MTUS2: variants seen among roughly 807,000 people sequenced by gnomAD.
MTUS2 encodes microtubule associated scaffold protein 2.
Under a neutral mutation model 114.1 loss-of-function variants are expected in MTUS2, and 40 were observed. That is an observed-to-expected ratio of 0.35 (90% CI 0.27 to 0.46). The LOEUF (loss-of-function observed/expected upper bound fraction) is 0.46. Ranked by LOEUF, MTUS2 falls within the 20% of genes least tolerant of loss-of-function variation. The pLI, the probability that MTUS2 is intolerant of heterozygous loss-of-function variation, is 1.00. For synonymous variants in MTUS2, 688 were observed against 672.0 expected, an observed-to-expected ratio of 1.02 and a Z score of -0.37; for missense variants, 1,679 against 1,705.4, an observed-to-expected ratio of 0.98 and a Z score of 0.27.
At chr13:28,992,481 C>T (rs1052587379) in intron 2 of MTUS2, among the ~76,000 whole-genome samples, 2 of 152,112 alleles carry the variant, frequency 1.3e-5, no homozygotes, top group Non-Finnish European at 1.5e-5. Flanking sequence ...ATGGTTTTGA[C>T]GGCTGCACAT....
intron 6 of MTUS2, among the ~76,000 whole-genome samples, chr13:29,317,837 T>C (rs1394895368): frequency 6.6e-6 from 1 of 152,220 alleles, no homozygotes; most frequent in Admixed American, 6.5e-5. Context: ...TCCCTATAAA[T>C]CCTACCTTGA....
At chr13:29,084,534 C>A (rs925268419) in intron 4 of MTUS2, among the ~76,000 whole-genome samples, 6 of 148,992 alleles carry the variant, frequency 4.0e-5, no homozygotes, top group Admixed American at 4.0e-4. Flanking sequence ...CCTCTCCCCC[C>A]CTTCTTTTCT....
intron 12 of MTUS2, among the ~76,000 whole-genome samples, chr13:29,493,432 A>G (rs2138987469): frequency 6.6e-6 from 1 of 152,276 alleles, no homozygotes; most frequent in South Asian, 2.1e-4. Flanking sequence ...AAGTGTAGCA[A>G]TTCCAATCAC....
At chr13:28,968,304 A>G (rs763810895) in intron 2 of MTUS2, among the ~76,000 whole-genome samples, 36 of 152,334 alleles carry the variant, frequency 2.4e-4, no homozygotes, top group Non-Finnish European at 4.0e-4. Context: ...ATGCTTAGGT[A>G]TTTAAAGGTA....
intron 11 of MTUS2, 25 bp from the exon 12 acceptor site, chr13:29,492,621 T>C (rs1882267373): frequency 6.3e-7 from 1 of 1,592,844 alleles, no homozygotes; most frequent in Admixed American, 1.7e-5. Context: ...AAGACCAACT[T>C]GACAATTTAA....
At chr13:28,991,572 G>A (rs187336301) in intron 2 of MTUS2, among the ~76,000 whole-genome samples, 44 of 152,180 alleles carry the variant, frequency 2.9e-4, no homozygotes, top group Admixed American at 1.4e-3. Context: ...GTTTCACTGT[G>A]TTAGCCAGGA....
chr13:28,867,594 G>A (rs938707565), intron 2 of MTUS2, among the ~76,000 whole-genome samples: 1 of 152,198 alleles, frequency 6.6e-6, no homozygotes, highest in Admixed American at 6.5e-5. Flanking sequence ...AGACTCACAT[G>A]TTTAAACTCT....
chr13:28,967,772 C>T (rs1021996387), intron 2 of MTUS2, among the ~76,000 whole-genome samples: 22 of 152,106 alleles, frequency 1.4e-4, no homozygotes, highest in African/African-American at 4.8e-4. Context: ...ATTCATCATC[C>T]CTGGAAGAAG....
At chr13:29,492,456 C>T (rs1208668894) in intron 11 of MTUS2, among the ~76,000 whole-genome samples, 190 bp from the exon 12 acceptor site, 1 of 151,940 alleles carries the variant, frequency 6.6e-6, no homozygotes, top group Non-Finnish European at 1.5e-5. Context: ...TTCTTTCTTT[C>T]TCTCTCCTGA....
intron 6 of MTUS2, among the ~76,000 whole-genome samples, chr13:29,324,186 A>G (rs6490387): frequency 0.82 from 124,125 of 152,198 alleles, 51,444 homozygotes; most frequent in East Asian, 0.91. Context: ...GGCTCCGGGT[A>G]ATGCCGAAGT....
At chr13:28,914,304 T>C (rs1284575653) in intron 2 of MTUS2, among the ~76,000 whole-genome samples, 3 of 152,162 alleles carry the variant, frequency 2.0e-5, no homozygotes, top group Admixed American at 6.6e-5. Flanking sequence ...CTGTTTGTTC[T>C]CATTAGTTTT....
At chr13:29,465,165 G>A (rs1879796854) in intron 9 of MTUS2, among the ~76,000 whole-genome samples, 1 of 152,212 alleles carries the variant, frequency 6.6e-6, no homozygotes, top group Non-Finnish European at 1.5e-5. Flanking sequence ...TAGCTGTGAA[G>A]CCATCAACAG....
chr13:29,352,059 G>A (rs1412545356), intron 7 of MTUS2, among the ~76,000 whole-genome samples: 2 of 152,096 alleles, frequency 1.3e-5, no homozygotes, highest in Admixed American at 6.5e-5. Flanking sequence ...GCATGCATCT[G>A]CAAGTGTTGG....
At chr13:29,005,554 A>G (rs1472931045) in intron 2 of MTUS2, among the ~76,000 whole-genome samples, 2 of 152,158 alleles carry the variant, frequency 1.3e-5, no homozygotes, top group Admixed American at 6.5e-5. Context: ...GGAAGCATAT[A>G]CAGAAATAAC....
At chr13:28,917,578 T>C (rs1880815263) in intron 2 of MTUS2, among the ~76,000 whole-genome samples, 1 of 151,796 alleles carries the variant, frequency 6.6e-6, no homozygotes, top group African/African-American at 2.4e-5. Flanking sequence ...CTTTTTTTTT[T>C]CATTTCTGAT....
At chr13:29,217,574 G>T (rs1227595437) in intron 5 of MTUS2, among the ~76,000 whole-genome samples, 1 of 152,136 alleles carries the variant, frequency 6.6e-6, no homozygotes, top group African/African-American at 2.4e-5. Flanking sequence ...TTGTCGTGGT[G>T]GTTCTTGCTT....
intron 4 of MTUS2, among the ~76,000 whole-genome samples, chr13:29,094,587 C>A (rs887954414): frequency 6.6e-6 from 1 of 151,994 alleles, no homozygotes; most frequent in Non-Finnish European, 1.5e-5. Context: ...TTGGCTGGCT[C>A]AGCTAAAGGT....
intron 2 of MTUS2, among the ~76,000 whole-genome samples, chr13:28,990,104 C>G (rs1391762098): frequency 3.3e-5 from 5 of 152,246 alleles, no homozygotes; most frequent in South Asian, 2.1e-4. Flanking sequence ...GAGTGAGTCA[C>G]TCATTCAACA....
chr13:29,317,432 C>CTT (rs552766235), intron 6 of MTUS2, among the ~76,000 whole-genome samples: 7 of 51,658 alleles, frequency 1.4e-4, no homozygotes, highest in Admixed American at 2.4e-4. Flanking sequence ...CTCTCTCTCT[C>CTT]TTTTTTTTTT....
Sources: allele counts gnomAD v4.1 joint callset (sites outside exome capture counted in the v4.1 genomes callset), GRCh38; gene constraint gnomAD v4.1.1; transcripts MANE v1.5; gene names NCBI Gene and HGNC (gene_info 2026-07-23, HGNC 2026-07-21).